Variants in MMP8 observed in about 807,000 individuals in gnomAD.
MMP8 encodes the protein matrix metallopeptidase 8.
MMP8 carries 67 observed loss-of-function variants against 51.2 expected under a neutral mutation model. The ratio of observed to expected loss-of-function variants is 1.31; its 90% CI spans 1.08 to 1.60. MMP8 has a LOEUF of 1.60. Ranked by LOEUF, MMP8 falls within the 40% of genes most tolerant of loss-of-function variation. The pLI is 0.00. For synonymous variants in MMP8, 225 were observed against 191.0 expected (o/e 1.18, Z -1.47); for missense variants, 654 against 558.1 (o/e 1.17, Z -1.73).
chr11:102,713,530 GC>G (rs1308027429), intron 9 of MMP8, 73 bp from the exon 10 acceptor site: 1 of 1,284,300 alleles, frequency 7.8e-7, no homozygotes, highest in East Asian at 2.4e-5. Flanking sequence ...AGAAAACCCT[GC>G]CCCTGTTCCA....
In MMP8 at chr11:102,722,691, C is replaced by T. The variant is rs557475473; in HGVS notation, c.103-18G>A. 2.1e-5 allele frequency: 34 copies of T among 1,611,478 alleles called. No homozygotes were observed. The South Asian group carries it at 3.5e-4, about 17-fold the overall frequency. Reference sequence around the variant, plus strand: ...AGGTAGTCCTGGACAAAGACAAGCACATAGGGGTCTTGCTGTGAAAGGACC... The same window carrying T: ...AGGTAGTCCTGGACAAAGACAAGCATATAGGGGTCTTGCTGTGAAAGGACC... On this transcript the variant is annotated intron_variant, in intron 1 of 9. Coordinates refer to ENST00000236826, the MANE Select transcript of MMP8 (RefSeq NM_002424.3).
In MMP8 at chr11:102,721,478, T is replaced by G. The variant is rs1861468814; in HGVS notation, c.545A>C (p.His182Pro). ...PFDGPNGILA[H>P]AFQPGQGIGG... is the part of the protein sequence containing the mutation. The stretch of plus-strand genomic sequence containing the variant: ...AATACCTTGGCCTGGCTGAAAGGCA[T>G]GAGCAAGGATTCCATTGGGTCCATC... Residue 182 changes from histidine to proline, a missense_variant, in exon 4 of 10, where the codon CAT becomes CCT. Coordinates refer to ENST00000236826, the MANE Select transcript of MMP8 (RefSeq NM_002424.3). 2 of 1,613,892 alleles carry G rather than the reference T, an allele frequency of 1.2e-6. No individual in the cohort carries two copies. Among genetic ancestry groups the G allele is most frequent in the East Asian group, 4.5e-5 (2 of 44,884 alleles).
chr11:102,722,867 C>A, intron 1 of MMP8, 194 bp from the exon 2 acceptor site: 29 of 1,035,114 alleles, frequency 2.8e-5, no homozygotes, highest in Non-Finnish European at 4.0e-5. Context: ...ACTCAGTGCT[C>A]CAGTTAATGG....
chr11:102,713,458 C>T lies in MMP8; in HGVS notation c.1295-1G>A, dbSNP rs764610177. On this transcript the variant is annotated splice_acceptor_variant, in intron 9 of 9. Coordinates refer to ENST00000236826, the MANE Select transcript of MMP8 (RefSeq NM_002424.3). LOFTEE classifies it high-confidence loss of function. The stretch of plus-strand genomic sequence containing the variant: ...GGTCCACTGAAGACATGGAAGAAAT[C>T]TATAAAAAAAGAGAGATAATTTATT... 1.2e-5 allele frequency: 19 copies of T among 1,600,898 alleles called. No homozygotes were observed. The East Asian group carries it at 4.0e-4, about 34-fold the overall frequency.
intron 5 of MMP8, among the ~76,000 whole-genome samples, chr11:102,717,165 C>T (rs1258684145): frequency 1.3e-5 from 2 of 152,162 alleles, no homozygotes; most frequent in Non-Finnish European, 2.9e-5. Context: ...TTATATTTCA[C>T]TCCAATCCAC....
chr11:102,711,823 AAC>A lies in MMP8; in HGVS notation c.*1523_*1524del, dbSNP rs1317084389. 2.2e-4 allele frequency: 33 copies of A among 152,280 alleles called. No individual in the cohort carries two copies. Among genetic ancestry groups the A allele is most frequent in the South Asian group, 1.0e-3 (5 of 4,834 alleles). 9.4% of individuals were successfully genotyped at this position (152,280 alleles called of 1,614,324 possible). Reference sequence around the variant, plus strand: ...ATTTGAAGTAAAAATCTTTAATTTGAACTTATTTAATAGATTATTTTAATTTT... The same window carrying A: ...ATTTGAAGTAAAAATCTTTAATTTGATTATTTAATAGATTATTTTAATTTT... On this transcript the variant is annotated 3_prime_UTR_variant, in exon 10 of 10. Transcript: ENST00000236826.
At chr11:102,716,197 G>T in intron 6 of MMP8, 105 bp downstream of exon 6, 1 of 817,204 alleles carries the variant, frequency 1.2e-6, no homozygotes, top group Non-Finnish European at 2.0e-6. Context: ...AGAAGCACAA[G>T]TATAGAATTC....
intron 8 of MMP8, among the ~76,000 whole-genome samples, chr11:102,714,138 T>C (rs1037127929): frequency 3.3e-5 from 5 of 152,214 alleles, no homozygotes; most frequent in Admixed American, 1.3e-4. Flanking sequence ...TTAATTGGTA[T>C]ATAGTATAAC....
At chr11:102,718,931 A>G (rs1231631870) in intron 4 of MMP8, among the ~76,000 whole-genome samples, 1 of 152,108 alleles carries the variant, frequency 6.6e-6, no homozygotes, top group African/African-American at 2.4e-5. Flanking sequence ...CACAATCACC[A>G]TCTCCACTGT....
At chr11:102,723,502 A>G (rs1430686785) in intron 1 of MMP8, 2 of 455,990 alleles carry the variant, frequency 4.4e-6, no homozygotes, top group African/African-American at 4.0e-5. Flanking sequence ...TGGGAAGTCC[A>G]AGATCAGGTG....
In MMP8 at chr11:102,713,363, G is replaced by C. The variant is rs1861180692; in HGVS notation, c.1389C>G (p.Asn463Lys). ...TGATTTTGCTTCAGCCATATCTACA[G>C]TTAAGCCATTTATTGCCTCTTGCAA... Reference protein sequence around the residue: ...TRVARGNKWLNCRYG With the variant: ...TRVARGNKWLKCRYG The change falls in exon 10 of 10, where the codon AAC (asparagine) becomes AAG (lysine). Residue 463 changes from asparagine (N) to lysine (K), a missense_variant. By Grantham distance (94) the Asn-to-Lys change is moderately conservative (BLOSUM62 0). Transcript: ENST00000236826. The C allele has an allele frequency of 1.2e-6, 2 of 1,612,114 alleles. No homozygotes were observed. The highest frequency in any genetic ancestry group is 1.7e-6 in the Non-Finnish European group (2 of 1,178,488).
chr11:102,722,849 G>T (rs1251376970), intron 1 of MMP8, 176 bp from the exon 2 acceptor site: 2 of 1,084,820 alleles, frequency 1.8e-6, no homozygotes, highest in Non-Finnish European at 2.6e-6. Flanking sequence ...AGAAAGAACA[G>T]TTCCTCCACT....
chr11:102,715,064 C>T (rs549957824), intron 7 of MMP8, among the ~76,000 whole-genome samples: 6 of 152,030 alleles, frequency 3.9e-5, no homozygotes, highest in South Asian at 2.1e-4. Flanking sequence ...AGAATGCTAA[C>T]GACAGTCTAG....
chr11:102,721,558 C>T, intron 3 of MMP8, 32 bp from the exon 4 acceptor site: 2 of 1,613,414 alleles, frequency 1.2e-6, no homozygotes, highest in Non-Finnish European at 1.7e-6. Flanking sequence ...TAGATCCTTG[C>T]CAAGTTTCAG....
At chr11:102,715,282 G>A (rs765560154) in intron 7 of MMP8, 22 bp downstream of exon 7, 1 of 1,600,390 alleles carries the variant, frequency 6.2e-7, no homozygotes, top group East Asian at 2.2e-5. Flanking sequence ...ACTAACATAA[G>A]ATGAAAACTT....
At position 102,712,891 on chromosome 11, in the gene MMP8, A is replaced by G. The variant is rs2134289165; in HGVS notation, c.*457T>C. 6.5e-6 allele frequency: 1 copy of G among 152,794 alleles called. No individual in the cohort carries two copies. The highest frequency in any genetic ancestry group is 6.5e-5 in the Admixed American group (1 of 15,332). The allele number at this position is 152,794 out of a possible 1,614,324, so 9.5% of individuals were successfully genotyped here. A position where few individuals can be genotyped will look rare whatever the true frequency, so the allele number is the denominator to read the frequency against. On this transcript the variant is annotated 3_prime_UTR_variant, in exon 10 of 10. Transcript: ENST00000236826. ...CTTTCCAAGGGTAGAAAACAGCACC[A>G]TATTTTCTGTAAAGGCCAAGGGTAC...
chr11:102,721,494 T>A lies in MMP8; in HGVS notation c.529A>T (p.Asn177Tyr). 6.2e-7 allele frequency: 1 copy of A among 1,613,872 alleles called. No homozygotes were observed. The highest frequency in any genetic ancestry group is 1.1e-5 in the South Asian group (1 of 91,082). ...TGAAAGGCATGAGCAAGGATTCCAT[T>A]GGGTCCATCAAATGGAGAATTGTCA... The part of the protein sequence containing the change: ...HGDNSPFDGP[N>Y]GILAHAFQPG... Residue 177 changes from asparagine (N) to tyrosine (Y), a missense_variant, in exon 4 of 10, where the codon AAT (asparagine) becomes TAT (tyrosine). Physicochemically the swap from Asn to Tyr is moderately radical, Grantham distance 143. Transcript: ENST00000236826.
chr11:102,717,124 A>C (rs983548951), intron 5 of MMP8, among the ~76,000 whole-genome samples: 1 of 152,124 alleles, frequency 6.6e-6, no homozygotes, highest in Non-Finnish European at 1.5e-5. Flanking sequence ...GCTTTCCCCA[A>C]TTCCACTCCA....
intron 4 of MMP8, among the ~76,000 whole-genome samples, chr11:102,719,150 C>A (rs36086409): frequency 1.6e-4 from 24 of 152,208 alleles, no homozygotes; most frequent in Non-Finnish European, 3.2e-4. Flanking sequence ...ACCCTTATTG[C>A]TCTCTTTCTC....
Sources: allele counts gnomAD v4.1 joint callset (sites outside exome capture counted in the v4.1 genomes callset), GRCh38; gene constraint gnomAD v4.1.1; transcripts MANE v1.5; gene names NCBI Gene and HGNC (gene_info 2026-07-23, HGNC 2026-07-21).